Variants in TBC1D5 observed in about 807,000 individuals in gnomAD.
TBC1D5 encodes TBC1 domain family member 5.
A neutral mutation model predicts 100.3 loss-of-function variants in TBC1D5; 75 were observed. The ratio of observed to expected loss-of-function variants is 0.75; its 90% CI spans 0.62 to 0.91. The LOEUF is 0.91. Among genes scored for constraint, TBC1D5 ranks in the 40% least tolerant of loss-of-function variants. The probability of loss-of-function intolerance (pLI) is 0.00; values close to 1 mark genes in which losing one functional copy is unlikely to be tolerated. For missense variants in TBC1D5, 910 were observed against 942.4 expected, an observed-to-expected ratio of 0.97 and a Z score of 0.45; for synonymous variants, 323 against 325.6, an observed-to-expected ratio of 0.99 and a Z score of 0.09.
rs561901247 is a variant in TBC1D5 at position 17,556,571 on chromosome 3, T to C, written c.-35-47966A>G. On this transcript the variant is annotated intron_variant, in intron 2 of 21. Coordinates refer to ENST00000253692, the Ensembl canonical transcript of TBC1D5. The stretch of plus-strand genomic sequence containing the variant: ...AAGAGCATAAGGTTTGATTTTGGCA[T>C]GTCTTATTGCATACCTTTCTGTCTC... Among the ~76,000 whole-genome samples, 255 of 152,330 alleles carry C rather than the reference T, an allele frequency of 1.7e-3. 1 individual carries two copies. The highest frequency in any genetic ancestry group is 3.8e-3 in the Admixed American group (58 of 15,300).
intron 1 of TBC1D5, among the ~76,000 whole-genome samples, chr3:17,679,813 G>C (rs1345522013): frequency 6.6e-6 from 1 of 151,424 alleles, no homozygotes; most frequent in Non-Finnish European, 1.5e-5. Flanking sequence ...AATAGAGTTT[G>C]GTCAAGTAGA....
At chr3:17,434,079 C>G (rs2094492643) in intron 3 of TBC1D5, among the ~76,000 whole-genome samples, 1 of 152,206 alleles carries the variant, frequency 6.6e-6, no homozygotes, top group Non-Finnish European at 1.5e-5. Flanking sequence ...CTCCCGGCTG[C>G]CTTCACAGCT....
chr3:17,565,856 C>T (rs1422636908), intron 2 of TBC1D5, among the ~76,000 whole-genome samples: 1 of 151,992 alleles, frequency 6.6e-6, no homozygotes, highest in Non-Finnish European at 1.5e-5. Context: ...GCTAAGGTTA[C>T]AGGTATTCTA....
intron 3 of TBC1D5, among the ~76,000 whole-genome samples, chr3:17,474,696 A>T (rs2150189827): frequency 6.6e-6 from 1 of 152,278 alleles, no homozygotes; most frequent in East Asian, 1.9e-4. Context: ...TGCATCATTG[A>T]CATCGAAAGT....
intron 2 of TBC1D5, among the ~76,000 whole-genome samples, chr3:17,526,459 A>G (rs976183339): frequency 1.3e-5 from 2 of 152,080 alleles, no homozygotes; most frequent in Non-Finnish European, 2.9e-5. Flanking sequence ...GCCTCAAACA[A>G]TCCTCCCAAC....
chr3:17,545,460 A>T (rs981438323), intron 2 of TBC1D5, among the ~76,000 whole-genome samples: 2 of 152,196 alleles, frequency 1.3e-5, no homozygotes, highest in Non-Finnish European at 2.9e-5. Context: ...CCGTGTTACG[A>T]CAGTCCTAGC....
chr3:17,343,470 T>C (rs1190571300), intron 13 of TBC1D5, among the ~76,000 whole-genome samples: 2 of 148,018 alleles, frequency 1.4e-5, no homozygotes, highest in East Asian at 1.9e-4. Context: ...ATCAGGATGA[T>C]GCTGGCCTCA....
chr3:17,328,832 T>C (rs1218651245), intron 13 of TBC1D5, among the ~76,000 whole-genome samples: 1 of 152,238 alleles, frequency 6.6e-6, no homozygotes, highest in Non-Finnish European at 1.5e-5. Flanking sequence ...TCATGGATAA[T>C]GGATCCATCA....
rs1553729288 is a variant in TBC1D5, at chr3:17,401,337, ATG to A, written c.509+1842_509+1843del. On this transcript the variant is annotated intron_variant, in intron 8 of 21. Transcript: ENST00000253692. ...ATATGTATGTGTATAATATACATAT[ATG>A]TATAATATACATATATATGTATGTG... 9.2e-5 allele frequency among the ~76,000 whole-genome samples: 2 copies of A among 21,810 alleles called. 1 individual carries two copies. Among genetic ancestry groups the A allele is most frequent in the Non-Finnish European group, 1.5e-4 (2 of 13,480 alleles). 14.3% of individuals were successfully genotyped at this position (21,810 alleles called of 152,430 possible).
intron 8 of TBC1D5, among the ~76,000 whole-genome samples, chr3:17,399,518 C>A (rs1425675040): frequency 6.6e-6 from 1 of 152,086 alleles, no homozygotes; most frequent in East Asian, 1.9e-4. Context: ...CATTTTTAGT[C>A]TAATAAATCG....
intron 2 of TBC1D5, among the ~76,000 whole-genome samples, chr3:17,599,615 A>G (rs1209703362): frequency 1.3e-5 from 2 of 152,160 alleles, no homozygotes; most frequent in African/African-American, 2.4e-5. Context: ...CTGACTTTCC[A>G]TTGAGCTGGT....
chr3:17,674,193 G>C (rs1232572618), intron 1 of TBC1D5, among the ~76,000 whole-genome samples: 1 of 151,426 alleles, frequency 6.6e-6, no homozygotes, highest in Non-Finnish European at 1.5e-5. Flanking sequence ...TTTCCATCTT[G>C]TGTTAACCTT....
chr3:17,208,179 T>C (rs1044576453), intron 18 of TBC1D5, among the ~76,000 whole-genome samples: 1 of 152,218 alleles, frequency 6.6e-6, no homozygotes, highest in Non-Finnish European at 1.5e-5. Context: ...AGCAGGCGGC[T>C]CCCATGGGAG....
At chr3:17,232,215 G>A (rs2075484939) in intron 17 of TBC1D5, among the ~76,000 whole-genome samples, 1 of 152,142 alleles carries the variant, frequency 6.6e-6, no homozygotes, top group African/African-American at 2.4e-5. Context: ...TAATAGCATA[G>A]AAGCAGAAGT....
chr3:17,610,867 A>ATT (rs1951638845), intron 2 of TBC1D5, among the ~76,000 whole-genome samples: 1 of 152,130 alleles, frequency 6.6e-6, no homozygotes, highest in Non-Finnish European at 1.5e-5. Flanking sequence ...AAATACAAAA[A>ATT]TTAGCTGGGC....
chr3:17,467,238 G>A (rs1367542941), intron 3 of TBC1D5, among the ~76,000 whole-genome samples: 3 of 147,530 alleles, frequency 2.0e-5, no homozygotes, highest in Non-Finnish European at 4.5e-5. Flanking sequence ...CAAGCAGAAT[G>A]CTAACTATTA....
At chr3:17,447,551 A>T (rs1238023279) in intron 3 of TBC1D5, among the ~76,000 whole-genome samples, 1 of 152,226 alleles carries the variant, frequency 6.6e-6, no homozygotes, top group Non-Finnish European at 1.5e-5. Flanking sequence ...CAGAAAGCTA[A>T]AGCTCCCACC....
At chr3:17,366,275 GAGCGAGACCC>G (rs1314536572) in intron 13 of TBC1D5, among the ~76,000 whole-genome samples, 5 of 151,444 alleles carry the variant, frequency 3.3e-5, no homozygotes, top group African/African-American at 1.2e-4. Context: ...CTGAGTGACA[GAGCGAGACCC>G]CCTCTCAAAC....
intron 3 of TBC1D5, among the ~76,000 whole-genome samples, chr3:17,498,132 T>G (rs952765155): frequency 2.0e-5 from 3 of 152,164 alleles, no homozygotes; most frequent in African/African-American, 7.2e-5. Flanking sequence ...ACACTCAAAC[T>G]TTCCTAAAAT....
Sources: gnomAD v4.1 joint callset for allele counts (sites outside exome capture counted in the v4.1 genomes callset) on GRCh38, gnomAD v4.1.1 for gene constraint, MANE v1.5 for transcripts, NCBI Gene and HGNC (gene_info 2026-07-23, HGNC 2026-07-21) for gene names.